The following ANAPC4 variants were observed in gnomAD, a reference collection of about 807,000 sequenced individuals.
ANAPC4 encodes the protein anaphase promoting complex subunit 4.
A neutral mutation model predicts 119.8 loss-of-function variants in ANAPC4; 63 were observed. The ratio of observed to expected loss-of-function variants is 0.53; its 90% CI spans 0.43 to 0.65. The LOEUF (loss-of-function observed/expected upper bound fraction) is 0.65. Among genes scored for constraint, ANAPC4 ranks in the 30% least tolerant of loss-of-function variants. The probability of loss-of-function intolerance (pLI) is 0.00; values close to 1 mark genes in which losing one functional copy is unlikely to be tolerated. For missense variants in ANAPC4, 716 were observed against 945.1 expected (o/e 0.76, Z 3.18); for synonymous variants, 283 against 318.6 (o/e 0.89, Z 1.19).
chr4:25,388,904 G>T (rs1238576166), intron 7 of ANAPC4, 22 bp downstream of exon 7: 2 of 1,548,986 alleles, frequency 1.3e-6, no homozygotes, highest in East Asian at 2.3e-5. Context: ...AGATAAATAA[G>T]TCTAATTTCT....
In ANAPC4 at chr4:25,394,830, G is replaced by T. The variant is rs1191670003; in HGVS notation, c.986G>T (p.Gly329Val). 1.2e-6 allele frequency: 2 copies of T among 1,609,302 alleles called. No individual in the cohort carries two copies. The highest frequency in any genetic ancestry group is 2.2e-5 in the South Asian group (2 of 89,624). ...TLLMNQLTVK[G>V]LKKLGQSIES... ...AATATATTTTCCTTTTTTAATTAGG[G>T]CTTGAAAAAGCTTGGCCAGTCTATA... Residue 329 changes from glycine (G) to valine (V), a missense_variant and splice_region_variant, in exon 14 of 29, where the codon GGC becomes GTC. This residue lies in a region of ANAPC4 where 504 missense variants were observed against 615.8 expected (regional missense o/e 0.82). Transcript: ENST00000315368.
intron 22 of ANAPC4, 58 bp from the exon 23 acceptor site, chr4:25,414,266 A>G: frequency 2.5e-6 from 3 of 1,210,188 alleles, no homozygotes; most frequent in Non-Finnish European, 2.3e-6. Flanking sequence ...CACTTTCTGT[A>G]GAGTATCTGT....
At chr4:25,383,538 C>A in intron 4 of ANAPC4, 145 bp downstream of exon 4, 1 of 681,060 alleles carries the variant, frequency 1.5e-6, no homozygotes. Context: ...TTTTTTAATG[C>A]TTTCTTAGAT....
chr4:25,391,566 C>G (rs936163505), intron 9 of ANAPC4, among the ~76,000 whole-genome samples: 4 of 152,194 alleles, frequency 2.6e-5, no homozygotes, highest in African/African-American at 9.6e-5. Flanking sequence ...AAAATGATCA[C>G]TTAATATTGG....
chr4:25,394,262 T>G (rs747960509), intron 11 of ANAPC4, 48 bp from the exon 12 acceptor site: 146 of 1,449,034 alleles, frequency 1.0e-4, no homozygotes, highest in Non-Finnish European at 1.4e-4. Flanking sequence ...AATATGCTTA[T>G]AATTTAAGAA....
intron 4 of ANAPC4, among the ~76,000 whole-genome samples, chr4:25,383,955 A>G (rs1237432432): frequency 6.6e-6 from 1 of 151,962 alleles, no homozygotes; most frequent in Non-Finnish European, 1.5e-5. Context: ...ACATCAGTTG[A>G]CTCTTTCTTT....
At chr4:25,414,563 A>G (rs561003104) in intron 24 of ANAPC4, 36 bp from the exon 25 acceptor site, 2 of 1,560,946 alleles carry the variant, frequency 1.3e-6, no homozygotes, top group South Asian at 1.2e-5. Flanking sequence ...TTATCCATCA[A>G]TAGTTAAAAA....
rs780375315 is a variant in ANAPC4, at chr4:25,383,243, T to C, written c.236-18T>C. ...AATTGTTACACTAATTTATTCTGAT[T>C]GTTTTTTCTTGTTTTAGTTTTGGCC... On this transcript the variant is annotated intron_variant, in intron 3 of 28. Transcript: ENST00000315368. 1 of 1,580,762 alleles carries C rather than the reference T, an allele frequency of 6.3e-7. No homozygotes were observed.
At chr4:25,403,440 G>T (rs527314002) in intron 17 of ANAPC4, among the ~76,000 whole-genome samples, 2 of 151,976 alleles carry the variant, frequency 1.3e-5, no homozygotes, top group African/African-American at 2.4e-5. Flanking sequence ...CTCACTGATA[G>T]TTCACATTTT....
At position 25,386,112 on chromosome 4, in the gene ANAPC4, C is replaced by T. The variant is rs182603819; in HGVS notation, c.369-2388C>T. ...ATTTTTAGTAGAGATGGGGTTTCTCCGTGTTGGTCAGACTGGTCTTGAACT... is the reference window on the plus strand; with the variant it reads ...ATTTTTAGTAGAGATGGGGTTTCTCTGTGTTGGTCAGACTGGTCTTGAACT... On this transcript the variant is annotated intron_variant, in intron 4 of 28. Transcript: ENST00000315368. Among the ~76,000 whole-genome samples the T allele has an allele frequency of 1.1e-3, 169 of 152,134 alleles. 3 individuals carry two copies. Among genetic ancestry groups the T allele is most frequent in the Non-Finnish European group, 3.4e-4 (23 of 68,006 alleles).
intron 18 of ANAPC4, among the ~76,000 whole-genome samples, chr4:25,406,117 C>A (rs1479768318): frequency 1.3e-5 from 2 of 152,172 alleles, no homozygotes; most frequent in African/African-American, 4.8e-5. Context: ...CACTCTTCTT[C>A]ACCCCTGCTG....
chr4:25,402,822 G>C, intron 16 of ANAPC4, 149 bp from the exon 17 acceptor site: 1 of 402,394 alleles, frequency 2.5e-6, no homozygotes, highest in Non-Finnish European at 4.5e-6. Flanking sequence ...CGTTTGATTT[G>C]TAATATCTGC....
At position 25,406,848 on chromosome 4, in the gene ANAPC4, C is replaced by T. The variant is rs755475334; in HGVS notation, c.1337C>T (p.Thr446Ile). Residue 446 changes from threonine to isoleucine, a missense_variant, in exon 19 of 29, where the codon ACA becomes ATA. Thr to Ile is a moderately conservative substitution (Grantham distance 89). This residue lies in a region of ANAPC4 where 504 missense variants were observed against 615.8 expected (regional missense o/e 0.82). Transcript: ENST00000315368. ...ELNKMTQKDI[T>I]FVAEFLTEHF... ...TGATAGATGACTCAGAAAGATATCA[C>T]ATTTGTTGCTGAATTTCTTACTGAA... is the stretch of plus-strand genomic sequence containing the variant. 8 of 1,603,448 alleles carry T rather than the reference C, an allele frequency of 5.0e-6. No individual in the cohort carries two copies. The highest frequency in any genetic ancestry group is 3.4e-5 in the Admixed American group (2 of 58,204).
chr4:25,394,981 C>T, intron 14 of ANAPC4, 76 bp downstream of exon 14: 2 of 1,124,812 alleles, frequency 1.8e-6, no homozygotes, highest in Admixed American at 2.2e-5. Context: ...GCCGCCTTTT[C>T]TTCATCTGGC....
At position 25,377,377 on chromosome 4, in the gene ANAPC4, C is replaced by T. The variant is rs376527836; in HGVS notation, c.-11+33C>T. The T allele has an allele frequency of 7.5e-6, 12 of 1,604,506 alleles. No individual in the cohort carries two copies. The African/African-American group carries it at 1.5e-4, about 20-fold the overall frequency. The stretch of plus-strand genomic sequence containing the variant: ...CGCGGTCGGGGCTCCTCGTGGAGAG[C>T]CGGGGGCTCCTGCCGGCCTCTGACT... On this transcript the variant is annotated intron_variant, in intron 1 of 28. Coordinates refer to ENST00000315368, the MANE Select transcript of ANAPC4 (RefSeq NM_013367.3).
intron 8 of ANAPC4, 94 bp from the exon 9 acceptor site, chr4:25,390,817 C>G: frequency 1.1e-6 from 1 of 906,330 alleles, no homozygotes; most frequent in Non-Finnish European, 1.7e-6. Context: ...TTTGTTTCTG[C>G]TTTTTAAAGC....
chr4:25,414,877 T>A (rs1399984161), intron 25 of ANAPC4, among the ~76,000 whole-genome samples, 177 bp downstream of exon 25: 1 of 152,124 alleles, frequency 6.6e-6, no homozygotes, highest in Non-Finnish European at 1.5e-5. Context: ...AGTTATATGA[T>A]CTTGTTTTAG....
At chr4:25,398,263 C>T (rs1475718100) in intron 16 of ANAPC4, among the ~76,000 whole-genome samples, 3 of 151,912 alleles carry the variant, frequency 2.0e-5, no homozygotes, top group Admixed American at 6.6e-5. Flanking sequence ...GTTTTAAATA[C>T]AGTGATAAGT....
At chr4:25,409,179 A>T (rs1030781795) in intron 20 of ANAPC4, among the ~76,000 whole-genome samples, 6 of 152,186 alleles carry the variant, frequency 3.9e-5, no homozygotes, top group Admixed American at 6.5e-5. Context: ...GGGCTTGTGG[A>T]TCTCACTTGA....
Sources: allele counts gnomAD v4.1 joint callset (sites outside exome capture counted in the v4.1 genomes callset), GRCh38; gene constraint gnomAD v4.1.1; regional missense constraint gnomAD v4.1.1; transcripts MANE v1.5; gene names NCBI Gene and HGNC (gene_info 2026-07-23, HGNC 2026-07-21).